The following PABPC4L variants were observed in gnomAD, a reference collection of about 807,000 sequenced individuals.
PABPC4L encodes the protein polyadenylate-binding protein 4-like.
For missense variants in PABPC4L, 452 were observed against 451.4 expected (o/e 1.00, Z -0.01); for synonymous variants, 169 against 164.1 (o/e 1.03, Z -0.23).
the PABPC4L span, among the ~76,000 whole-genome samples, chr4:134,159,386 A>G: frequency 6.6e-6 from 1 of 152,086 alleles, no homozygotes; most frequent in African/African-American, 2.4e-5. Context: ...ACAGAATAAC[A>G]AGGAAAGAGG....
At chr4:133,994,651 A>G in the PABPC4L span, among the ~76,000 whole-genome samples, 1 of 151,996 alleles carries the variant, frequency 6.6e-6, no homozygotes, top group Admixed American at 6.6e-5. Context: ...TAAGGTAATC[A>G]TGTGTCTTTG....
chr4:133,983,718 T>C, the PABPC4L span, among the ~76,000 whole-genome samples: 1 of 151,832 alleles, frequency 6.6e-6, no homozygotes, highest in Non-Finnish European at 1.5e-5. Context: ...TGTATTACAT[T>C]TTAGGACAAA....
chr4:134,129,715 C>T, the PABPC4L span, among the ~76,000 whole-genome samples: 13,939 of 151,622 alleles, frequency 0.092, 698 homozygotes, highest in South Asian at 0.12. Context: ...CCTATCAAAA[C>T]CTCTGGGATA....
the PABPC4L span, among the ~76,000 whole-genome samples, chr4:134,050,390 G>C: frequency 4.6e-5 from 7 of 152,026 alleles, no homozygotes; most frequent in Non-Finnish European, 1.0e-4. Flanking sequence ...AAGCATGAAT[G>C]GACACTGTAA....
At chr4:134,035,638 AG>A in the PABPC4L span, among the ~76,000 whole-genome samples, 2 of 152,024 alleles carry the variant, frequency 1.3e-5, no homozygotes, top group Non-Finnish European at 2.9e-5. Flanking sequence ...TAAAGTAAGA[AG>A]ATTTCCAACA....
the PABPC4L span, among the ~76,000 whole-genome samples, chr4:134,094,761 A>G: frequency 2.0e-5 from 3 of 151,786 alleles, no homozygotes; most frequent in South Asian, 4.2e-4. Flanking sequence ...AAATAGTGTT[A>G]CCCATAAATT....
the PABPC4L span, among the ~76,000 whole-genome samples, chr4:134,144,901 T>G: frequency 6.6e-6 from 1 of 151,890 alleles, no homozygotes; most frequent in African/African-American, 2.4e-5. Flanking sequence ...TTTCCTTGTT[T>G]ATGATTTGTG....
the PABPC4L span, among the ~76,000 whole-genome samples, chr4:134,046,929 G>A: frequency 6.6e-6 from 1 of 152,120 alleles, no homozygotes; most frequent in East Asian, 1.9e-4. Context: ...AATTTCTTAT[G>A]TCTTCCTTTT....
chr4:134,195,447 A>G (rs1729627794), downstream of PABPC4L, among the ~76,000 whole-genome samples: 1 of 151,820 alleles, frequency 6.6e-6, no homozygotes, highest in Non-Finnish European at 1.5e-5. Flanking sequence ...GAATGCAAAA[A>G]AAACAATAAT....
chr4:134,089,535 G>T, the PABPC4L span, among the ~76,000 whole-genome samples: 6 of 151,858 alleles, frequency 4.0e-5, no homozygotes, highest in Non-Finnish European at 7.4e-5. Flanking sequence ...ATTTATAATT[G>T]TTCTATTTTA....
the PABPC4L span, among the ~76,000 whole-genome samples, chr4:134,001,477 T>A: frequency 2.0e-5 from 3 of 152,212 alleles, no homozygotes; most frequent in East Asian, 5.8e-4. Context: ...ATCATCATAG[T>A]CATGAGCAGG....
the PABPC4L span, among the ~76,000 whole-genome samples, chr4:134,112,406 G>A: frequency 6.6e-6 from 1 of 151,612 alleles, no homozygotes; most frequent in Admixed American, 6.6e-5. Flanking sequence ...TACTCCATAT[G>A]TCAATATACT....
chr4:134,190,798 C>A, the PABPC4L span, among the ~76,000 whole-genome samples: 41 of 152,108 alleles, frequency 2.7e-4, no homozygotes, highest in African/African-American at 9.9e-4. Context: ...GTTACAGGTG[C>A]ACCTCACCAC....
the PABPC4L span, among the ~76,000 whole-genome samples, chr4:134,100,764 T>C: frequency 6.6e-6 from 1 of 151,708 alleles, no homozygotes; most frequent in Non-Finnish European, 1.5e-5. Context: ...ACCACTTATA[T>C]GTAAATTACA....
At chr4:134,103,441 C>T in the PABPC4L span, among the ~76,000 whole-genome samples, 2 of 151,592 alleles carry the variant, frequency 1.3e-5, no homozygotes, top group African/African-American at 2.4e-5. Flanking sequence ...CCTCTCATCT[C>T]GTCTTGTAGA....
the PABPC4L span, among the ~76,000 whole-genome samples, chr4:134,104,809 T>C: frequency 4.6e-5 from 7 of 151,736 alleles, no homozygotes; most frequent in African/African-American, 1.7e-4. Context: ...AGTCAACATC[T>C]ATGGCAAACT....
At chr4:134,077,432 G>A in the PABPC4L span, among the ~76,000 whole-genome samples, 4 of 152,082 alleles carry the variant, frequency 2.6e-5, no homozygotes, top group Non-Finnish European at 5.9e-5. Flanking sequence ...CATTAGTGTT[G>A]CAGAAGAGGG....
chr4:133,984,709 C>T, the PABPC4L span, among the ~76,000 whole-genome samples: 2 of 151,828 alleles, frequency 1.3e-5, no homozygotes, highest in Non-Finnish European at 2.9e-5. Context: ...ATGACCCATT[C>T]TTTCATATAG....
At chr4:134,184,614 G>A in the PABPC4L span, among the ~76,000 whole-genome samples, 3,446 of 152,050 alleles carry the variant, frequency 0.023, 135 homozygotes, top group African/African-American at 0.078. Context: ...CTGTGTGCAT[G>A]TATCACCACA....
Sources: gnomAD v4.1 joint callset for allele counts (sites outside exome capture counted in the v4.1 genomes callset) on GRCh38, gnomAD v4.1.1 for gene constraint, MANE v1.5 for transcripts, NCBI Gene and HGNC (gene_info 2026-07-23, HGNC 2026-07-21) for gene names.